The following FNTB variants were observed in gnomAD, a reference collection of about 807,000 sequenced individuals.
FNTB encodes protein farnesyltransferase subunit beta.
A neutral mutation model predicts 59.4 loss-of-function variants in FNTB; 27 were observed. The ratio of observed to expected loss-of-function variants is 0.45; its 90% CI spans 0.34 to 0.63. The LOEUF (loss-of-function observed/expected upper bound fraction) is 0.63. Ranked by LOEUF, FNTB falls within the 20% of genes least tolerant of loss-of-function variation. The probability of loss-of-function intolerance (pLI) is 0.02; values close to 1 mark genes in which losing one functional copy is unlikely to be tolerated. For synonymous variants in FNTB, 230 were observed against 220.7 expected (o/e 1.04, Z -0.37); for missense variants, 449 against 559.6 (o/e 0.80, Z 1.99).
intron 11 of FNTB, among the ~76,000 whole-genome samples, chr14:65,059,884 A>G (rs1256146894): frequency 7.0e-6 from 1 of 142,816 alleles, no homozygotes; most frequent in Non-Finnish European, 1.5e-5. Flanking sequence ...CCCAGGTTAG[A>G]GTGCAGTGGC....
chr14:65,054,641 C>A lies in FNTB; in HGVS notation c.1134C>A (p.Ser378Arg), dbSNP rs746183083. 1.9e-6 allele frequency: 3 copies of A among 1,613,656 alleles called. No individual in the cohort carries two copies. Among genetic ancestry groups the A allele is most frequent in the Non-Finnish European group, 2.5e-6 (3 of 1,179,824 alleles). ...TGTCCATAGCCCAGCACTTCGGCAG[C>A]GGAGCCATGTTGCATGATGTGGTCC... ...SGLSIAQHFGSGAMLHDVVLG... is the reference protein window; with the variant it reads ...SGLSIAQHFGRGAMLHDVVLG... The change falls in exon 11 of 12, where the codon AGC becomes AGA. Residue 378 changes from serine (S) to arginine (R), a missense_variant. By Grantham distance (110) the Ser-to-Arg change is moderately radical. Around this residue, in one of 2 missense-constraint regions of FNTB, gnomAD observed 337 missense variants for 479.1 expected, o/e 0.70. Transcript: ENST00000246166. This position sits in a 1 kb window ranked among gnomAD's most constrained non-coding sequence, Gnocchi z 4.4.
chr14:65,048,439 A>G (rs2062536236), intron 9 of FNTB, among the ~76,000 whole-genome samples: 1 of 152,222 alleles, frequency 6.6e-6, no homozygotes, highest in Non-Finnish European at 1.5e-5. Flanking sequence ...TGCTCTACAT[A>G]GTGCAGCACG....
At chr14:64,987,154 C>T in intron 1 of FNTB, 57 bp downstream of exon 1, 2 of 1,600,866 alleles carry the variant, frequency 1.2e-6, no homozygotes, top group Non-Finnish European at 1.7e-6. Flanking sequence ...AGCGCGAGTC[C>T]CGTTCGTAGG....
rs2062865155 is a variant in FNTB at position 65,061,510 on chromosome 14, C to T, written c.*198C>T. The stretch of plus-strand genomic sequence containing the variant: ...AGTGGCTGGTTTTAAAAATTCTTTC[C>T]ACACCTGTCAAACCAAAAATCTATC... On this transcript the variant is annotated 3_prime_UTR_variant, in exon 12 of 12. Transcript: ENST00000246166. 5.0e-6 allele frequency: 5 copies of T among 990,326 alleles called. No individual in the cohort carries two copies. Among genetic ancestry groups the T allele is most frequent in the Non-Finnish European group, 1.4e-6 (1 of 710,608 alleles). The allele number at this position is 990,326 out of a possible 1,614,324, so 61.3% of individuals were successfully genotyped here.
rs1211525151 is a variant in FNTB at position 65,007,418 on chromosome 14, A to G, written c.209+3105A>G. ...ATGGGACAGACTCACACACATGCCC[A>G]GGACCACAGACCACGCACAGGTCCA... On this transcript the variant is annotated intron_variant, in intron 2 of 11. Coordinates refer to ENST00000246166, the MANE Select transcript of FNTB (RefSeq NM_002028.4). This position sits in a 1 kb window ranked among gnomAD's most constrained non-coding sequence, Gnocchi z 4.9. Among the ~76,000 whole-genome samples, 2 of 152,234 alleles carry G rather than the reference A, an allele frequency of 1.3e-5. No individual in the cohort carries two copies. The highest frequency in any genetic ancestry group is 2.4e-5 in the African/African-American group (1 of 41,456).
rs150671989 is a variant in FNTB, at chr14:64,999,087, A to G, written c.145-5162A>G. Among the ~76,000 whole-genome samples, 154 of 152,388 alleles carry G rather than the reference A, an allele frequency of 1.0e-3. 4 individuals are homozygous for G. Among genetic ancestry groups the G allele is most frequent in the African/African-American group, 3.4e-3 (141 of 41,596 alleles). On this transcript the variant is annotated intron_variant, in intron 1 of 11. Transcript: ENST00000246166. ...AAAGAAGCCAGCCACAAAAGACCAC[A>G]GCTTTTATGATTCCATTTATATACA...
intron 4 of FNTB, among the ~76,000 whole-genome samples, chr14:65,021,774 C>T (rs1221511542): frequency 2.0e-5 from 3 of 152,156 alleles, no homozygotes; most frequent in Non-Finnish European, 4.4e-5. Context: ...GCCTCCCAAG[C>T]AGCTGGGACT....
chr14:65,057,541 ATC>A (rs2062764743), intron 11 of FNTB, among the ~76,000 whole-genome samples: 1 of 152,162 alleles, frequency 6.6e-6, no homozygotes, highest in African/African-American at 2.4e-5. Flanking sequence ...AACTTAAGGA[ATC>A]TCTACCATTT....
At position 65,015,446 on chromosome 14, in the gene FNTB, A is replaced by G. The variant is rs878967073; in HGVS notation, c.283-179A>G. The G allele has an allele frequency of 2.0e-5, 6 of 294,922 alleles. No individual in the cohort carries two copies. The Admixed American group carries it at 4.0e-4, about 20-fold the overall frequency. The allele number at this position is 294,922 out of a possible 1,614,324, so 18.3% of individuals were successfully genotyped here. A position where few individuals can be genotyped will look rare whatever the true frequency, so the allele number is the denominator to read the frequency against. ...TTTTTTTTTTTTTTAACAGATGGTC[A>G]TTTCAGCTCCTGGCTAAGGCCACAA... On this transcript the variant is annotated intron_variant, in intron 3 of 11. Transcript: ENST00000246166.
intron 10 of FNTB, among the ~76,000 whole-genome samples, chr14:65,053,626 T>A (rs2296315): frequency 0.2 from 28,706 of 142,442 alleles, 4,019 homozygotes; most frequent in African/African-American, 0.39. Context: ...TTCTTTTTTT[T>A]AAAAAAAACA....
At chr14:65,040,282 T>C (rs2062316653) in intron 7 of FNTB, among the ~76,000 whole-genome samples, 1 of 148,878 alleles carries the variant, frequency 6.7e-6, no homozygotes, top group Admixed American at 6.7e-5. Context: ...TATATATGTG[T>C]GTATATATAT....
At position 64,997,350 on chromosome 14, in the gene FNTB, C is replaced by T. The variant is rs760809985; in HGVS notation, c.145-6899C>T. Among the ~76,000 whole-genome samples the T allele has an allele frequency of 2.0e-5, 3 of 152,156 alleles. No homozygotes were observed. Among genetic ancestry groups the T allele is most frequent in the East Asian group, 1.9e-4 (1 of 5,202 alleles). On this transcript the variant is annotated intron_variant, in intron 1 of 11. Coordinates refer to ENST00000246166, the MANE Select transcript of FNTB (RefSeq NM_002028.4). This position sits in a 1 kb window ranked among gnomAD's most constrained non-coding sequence, Gnocchi z 4.5. The stretch of plus-strand genomic sequence containing the variant: ...CCCCACCCACAGGCTGACTCAGTGC[C>T]GGAGGACCATCTTCCTTCCACATCC...
intron 4 of FNTB, among the ~76,000 whole-genome samples, chr14:65,024,258 AT>A (rs1467018924): frequency 5.9e-5 from 9 of 152,178 alleles, no homozygotes; most frequent in Admixed American, 4.6e-4. Flanking sequence ...TTTAAAAAAA[AT>A]ACTGCCACCT....
chr14:65,050,465 C>T (rs2062581721), intron 9 of FNTB, among the ~76,000 whole-genome samples: 1 of 152,084 alleles, frequency 6.6e-6, no homozygotes, highest in Admixed American at 6.6e-5. Flanking sequence ...GGGGCTTGTA[C>T]CTGTAATCCA....
In FNTB at chr14:65,054,784, G is replaced by A; in HGVS notation, c.1182+95G>A. On this transcript the variant is annotated intron_variant, in intron 11 of 11. Transcript: ENST00000246166. The surrounding 1 kb of genome is among the most constrained non-coding windows in gnomAD (Gnocchi z 4.4). Reference sequence around the variant, plus strand: ...GCAGAACTGGCTCTGCATTTCCTGTGTGGACAGGCGGAAGCTTGTGGTCCC... The same window carrying A: ...GCAGAACTGGCTCTGCATTTCCTGTATGGACAGGCGGAAGCTTGTGGTCCC... 1 of 1,346,650 alleles carries A rather than the reference G, an allele frequency of 7.4e-7. No homozygotes were observed. Among genetic ancestry groups the A allele is most frequent in the South Asian group, 1.3e-5 (1 of 76,328 alleles). 83.4% of individuals were successfully genotyped at this position (1,346,650 alleles called of 1,614,324 possible).
rs199905924 is a variant in FNTB at position 65,030,972 on chromosome 14, T to C, written c.606-1638T>C. On this transcript the variant is annotated intron_variant, in intron 6 of 11. Coordinates refer to ENST00000246166, the MANE Select transcript of FNTB (RefSeq NM_002028.4). The surrounding 1 kb of genome is among the most constrained non-coding windows in gnomAD (Gnocchi z 4.5). ...ACAGGCGTGTGCCACCATGCCCAGC[T>C]AATTTTTGTATTTTTAGTAGAGACG... Among the ~76,000 whole-genome samples, 1 of 151,952 alleles carries C rather than the reference T, an allele frequency of 6.6e-6. No individual in the cohort carries two copies. The highest frequency in any genetic ancestry group is 1.9e-4 in the East Asian group (1 of 5,160).
chr14:64,990,769 G>C lies in FNTB; in HGVS notation c.144+3672G>C, dbSNP rs1594979645. Among the ~76,000 whole-genome samples, 4 of 152,298 alleles carry C rather than the reference G, an allele frequency of 2.6e-5. No homozygotes were observed. The highest frequency in any genetic ancestry group is 1.3e-4 in the Admixed American group (2 of 15,294). Reference sequence around the variant, plus strand: ...AGGTTACTGTCAAGAGTAGATGGTGGGGAGTGAGGGTGGATACAGGGAAAC... The same window carrying C: ...AGGTTACTGTCAAGAGTAGATGGTGCGGAGTGAGGGTGGATACAGGGAAAC... On this transcript the variant is annotated intron_variant, in intron 1 of 11. Transcript: ENST00000246166. This position sits in a 1 kb window ranked among gnomAD's most constrained non-coding sequence, Gnocchi z 5.2.
rs2062097092 is a variant in FNTB, at chr14:65,032,016, G to GTGTGTGTA, written c.606-591_606-590insGTGTATGT. On this transcript the variant is annotated intron_variant, in intron 6 of 11. Transcript: ENST00000246166. This position sits in a 1 kb window ranked among gnomAD's most constrained non-coding sequence, Gnocchi z 5.0. The stretch of plus-strand genomic sequence containing the variant: ...TGTGTGTGTGTGTGTGTGTGTGTGT[G>GTGTGTGTA]TGTACTGGTGAGAGGTTTGAAATCA... Among the ~76,000 whole-genome samples the GTGTGTGTA allele has an allele frequency of 6.7e-6, 1 of 149,482 alleles. No individual in the cohort carries two copies. The highest frequency in any genetic ancestry group is 1.5e-5 in the Non-Finnish European group (1 of 66,914).
intron 8 of FNTB, among the ~76,000 whole-genome samples, chr14:65,042,307 T>C (rs1026528602): frequency 1.3e-5 from 2 of 152,198 alleles, no homozygotes; most frequent in African/African-American, 4.8e-5. Context: ...CTCACCATAA[T>C]GTAGAATCAG....
Sources: allele counts gnomAD v4.1 joint callset (sites outside exome capture counted in the v4.1 genomes callset), GRCh38; gene constraint gnomAD v4.1.1; regional missense constraint gnomAD v4.1.1; non-coding constraint Gnocchi (gnomAD v3.1); transcripts MANE v1.5; gene names NCBI Gene and HGNC (gene_info 2026-07-23, HGNC 2026-07-21).